AKR1C3: variants seen among roughly 807,000 people sequenced by gnomAD.
AKR1C3 encodes the protein 3-alpha hydroxysteroid dehydrogenase, type II.
In AKR1C3, 48 loss-of-function variants were observed where a neutral mutation model predicts 43.6. That is an observed-to-expected ratio of 1.10 (90% CI 0.87 to 1.40). AKR1C3 has a LOEUF of 1.40. AKR1C3 is among the 40% of genes most tolerant of loss of function. The pLI is 0.00. For synonymous variants in AKR1C3, 162 were observed against 139.6 expected, an observed-to-expected ratio of 1.16 and a Z score of -1.13; for missense variants, 482 against 391.2, an observed-to-expected ratio of 1.23 and a Z score of -1.96.
intron 1 of AKR1C3, among the ~76,000 whole-genome samples, chr10:5,075,163 C>G (rs1054230441): frequency 6.6e-6 from 1 of 152,076 alleles, no homozygotes; most frequent in Non-Finnish European, 1.5e-5. Context: ...CATGTTGCCA[C>G]TACAATCTGT....
chr10:5,104,843 CT>C (rs1224844843), intron 7 of AKR1C3, among the ~76,000 whole-genome samples: 1 of 152,046 alleles, frequency 6.6e-6, no homozygotes, highest in African/African-American at 2.4e-5. Context: ...TAACGTTTTC[CT>C]TTTTGTTTTG....
chr10:5,050,771 A>T (rs985355607), intron 1 of AKR1C3, among the ~76,000 whole-genome samples: 3 of 152,182 alleles, frequency 2.0e-5, no homozygotes, highest in Admixed American at 2.0e-4. Flanking sequence ...TTTTTAATGC[A>T]TTGCATATTC....
chr10:5,061,852 G>A (rs1356679978), intron 1 of AKR1C3, among the ~76,000 whole-genome samples: 2 of 152,112 alleles, frequency 1.3e-5, no homozygotes, highest in Non-Finnish European at 2.9e-5. Flanking sequence ...AGGCATGCTT[G>A]TAAGTATGAA....
chr10:5,058,281 A>T (rs145110240), intron 1 of AKR1C3, among the ~76,000 whole-genome samples: 1 of 152,124 alleles, frequency 6.6e-6, no homozygotes, highest in Non-Finnish European at 1.5e-5. Context: ...CTTGGACATA[A>T]GGTATTTCAC....
At chr10:5,083,414 T>G (rs1306795724) in intron 1 of AKR1C3, among the ~76,000 whole-genome samples, 1 of 152,182 alleles carries the variant, frequency 6.6e-6, no homozygotes, top group Non-Finnish European at 1.5e-5. Context: ...AACTCATCAT[T>G]TTTTATGGCT....
intron 1 of AKR1C3, among the ~76,000 whole-genome samples, chr10:5,055,465 T>C (rs1428918577): frequency 2.0e-5 from 3 of 152,218 alleles, no homozygotes; most frequent in East Asian, 1.9e-4. Flanking sequence ...TAGTATGCCA[T>C]TTACATCATG....
At chr10:5,091,853 A>AT (rs1212003372), upstream of AKR1C3, among the ~76,000 whole-genome samples, 4 of 152,158 alleles carry the variant, frequency 2.6e-5, no homozygotes, top group East Asian at 7.7e-4. Context: ...AAAAACACGT[A>AT]TTTTCACATT....
At chr10:5,097,411 C>A in intron 2 of AKR1C3, 23 bp from the exon 3 acceptor site, 2 of 1,610,840 alleles carry the variant, frequency 1.2e-6, no homozygotes, top group Non-Finnish European at 1.7e-6. Context: ...TTCAAAATCA[C>A]CTCCATTCTT....
chr10:5,066,335 T>A (rs913690113), intron 1 of AKR1C3, among the ~76,000 whole-genome samples: 3 of 152,274 alleles, frequency 2.0e-5, no homozygotes, highest in Middle Eastern at 6.8e-3. Flanking sequence ...TTCCCCTTTT[T>A]GATCAGGTTC....
intron 1 of AKR1C3, among the ~76,000 whole-genome samples, chr10:5,084,144 T>C (rs190919480): frequency 0.034 from 5,136 of 152,298 alleles, 303 homozygotes; most frequent in African/African-American, 0.12. Flanking sequence ...AGACATGAAG[T>C]CCTTGCCCAA....
chr10:5,049,610 A>G (rs138651761), intron 1 of AKR1C3, among the ~76,000 whole-genome samples: 2 of 152,360 alleles, frequency 1.3e-5, no homozygotes, highest in East Asian at 3.9e-4. Context: ...ACTTTATTTT[A>G]TAGACTAAAC....
At chr10:5,054,948 T>G (rs965144247) in intron 1 of AKR1C3, among the ~76,000 whole-genome samples, 2 of 152,262 alleles carry the variant, frequency 1.3e-5, no homozygotes, top group Non-Finnish European at 2.9e-5. Flanking sequence ...TATAATTTCC[T>G]TATGGTATTT....
rs1209908000 is a variant in AKR1C3 at position 5,097,460 on chromosome 10, GT to G, written c.281del (p.Leu94TrpfsTer10). 1 of 1,613,646 alleles carries G rather than the reference GT, an allele frequency of 6.2e-7. No homozygotes were observed. Among genetic ancestry groups the G allele is most frequent in the Non-Finnish European group, 8.5e-7 (1 of 1,179,790 alleles). On this transcript the variant is annotated frameshift_variant, in exon 3 of 9. Transcript: ENST00000380554. LOFTEE classifies it high-confidence loss of function. ...TTTGGTCCACTTTTCATCGACCAGAGTTGGTCCGACCAGCCTTGGAAAACTC... is the reference window on the plus strand; with the variant it reads ...TTTGGTCCACTTTTCATCGACCAGAGTGGTCCGACCAGCCTTGGAAAACTC... ...KLWSTFHRPE[L>X]VRPALENSLK...
At chr10:5,084,658 T>G (rs1172139443) in intron 1 of AKR1C3, among the ~76,000 whole-genome samples, 1 of 152,128 alleles carries the variant, frequency 6.6e-6, no homozygotes, top group Non-Finnish European at 1.5e-5. Flanking sequence ...ATCTATAAAT[T>G]ACCTTGGGCA....
intron 1 of AKR1C3, among the ~76,000 whole-genome samples, chr10:5,061,127 G>A (rs972815290): frequency 6.6e-6 from 1 of 152,220 alleles, no homozygotes; most frequent in Non-Finnish European, 1.5e-5. Flanking sequence ...CTCAAGTGCA[G>A]CCAGTGTGGG....
At chr10:5,048,884 G>A (rs140062662) in exon 1 of AKR1C3, 2 of 1,613,452 alleles carry the variant, frequency 1.2e-6, no homozygotes, top group Admixed American at 3.3e-5. Flanking sequence ...TGGCACCTAT[G>A]CACCTCCAGA....
chr10:5,084,579 T>C (rs1228941769), intron 1 of AKR1C3, among the ~76,000 whole-genome samples: 5 of 152,190 alleles, frequency 3.3e-5, no homozygotes, highest in Admixed American at 1.3e-4. Context: ...GGGTTCCATA[T>C]GAACTTTAAA....
chr10:5,077,091 CT>C (rs1385004317), intron 1 of AKR1C3, among the ~76,000 whole-genome samples: 3 of 151,284 alleles, frequency 2.0e-5, no homozygotes, highest in Non-Finnish European at 1.5e-5. Flanking sequence ...ACAGGATAAT[CT>C]TTTTTTTTCA....
At chr10:5,062,877 A>G (rs1409961690) in intron 1 of AKR1C3, among the ~76,000 whole-genome samples, 1 of 151,658 alleles carries the variant, frequency 6.6e-6, no homozygotes, top group African/African-American at 2.4e-5. Context: ...AAAAGGAAAG[A>G]AAACAAAAAA....
Sources: allele counts gnomAD v4.1 joint callset (sites outside exome capture counted in the v4.1 genomes callset), GRCh38; gene constraint gnomAD v4.1.1; transcripts MANE v1.5; gene names NCBI Gene and HGNC (gene_info 2026-07-23, HGNC 2026-07-21).